Variants in ADARB2 observed in about 807,000 individuals in gnomAD.
ADARB2 encodes adenosine deaminase RNA specific B2 (inactive).
In ADARB2, 25 loss-of-function variants were observed where a neutral mutation model predicts 62.2. The ratio of observed to expected loss-of-function variants is 0.40; its 90% confidence interval spans 0.29 to 0.56. The LOEUF (loss-of-function observed/expected upper bound fraction) is 0.56. ADARB2 is among the 20% of genes least tolerant of loss of function. The probability of loss-of-function intolerance (pLI) is 0.43; values close to 1 mark genes in which losing one functional copy is unlikely to be tolerated. For missense variants in ADARB2, 1,071 were observed against 1,077.4 expected, an observed-to-expected ratio of 0.99 and a Z score of 0.08; for synonymous variants, 572 against 500.8, an observed-to-expected ratio of 1.14 and a Z score of -1.90.
intron 3 of ADARB2, among the ~76,000 whole-genome samples, chr10:1,279,530 G>C (rs1390403636): frequency 6.6e-6 from 1 of 152,126 alleles, no homozygotes; most frequent in Admixed American, 6.5e-5. Context: ...TGCTCAGGCT[G>C]GTCTCAAACT....
intron 4 of ADARB2, among the ~76,000 whole-genome samples, chr10:1,263,430 A>C (rs1831163383): frequency 2.6e-5 from 4 of 152,196 alleles, no homozygotes; most frequent in Admixed American, 2.6e-4. Flanking sequence ...GCTTCCAGTA[A>C]AAAAAGACTC....
chr10:1,211,627 CGAAA>C (rs1296723708), intron 7 of ADARB2, among the ~76,000 whole-genome samples: 5 of 152,128 alleles, frequency 3.3e-5, no homozygotes, highest in Non-Finnish European at 5.9e-5. Context: ...AGTCAGCTCT[CGAAA>C]GAAAGAAACA....
chr10:1,588,496 C>A (rs1320371480), intron 1 of ADARB2, among the ~76,000 whole-genome samples: 1 of 152,174 alleles, frequency 6.6e-6, no homozygotes, highest in Non-Finnish European at 1.5e-5. Context: ...CTAGGTAGGC[C>A]AGACGGTGCT....
At chr10:1,352,591 G>T (rs961480967) in intron 3 of ADARB2, among the ~76,000 whole-genome samples, 1 of 152,154 alleles carries the variant, frequency 6.6e-6, no homozygotes, top group Non-Finnish European at 1.5e-5. Flanking sequence ...TGCATGCAGC[G>T]GCTGCCACTG....
intron 1 of ADARB2, among the ~76,000 whole-genome samples, chr10:1,674,067 C>A (rs1260632907): frequency 6.6e-6 from 1 of 152,224 alleles, no homozygotes; most frequent in Non-Finnish European, 1.5e-5. Flanking sequence ...CTGCTGCAAT[C>A]CCCTGAAGTC....
chr10:1,685,980 C>G (rs1435824509), intron 1 of ADARB2, among the ~76,000 whole-genome samples: 1 of 152,252 alleles, frequency 6.6e-6, no homozygotes, highest in Non-Finnish European at 1.5e-5. Flanking sequence ...CACACCCACT[C>G]CAGTGGCTCA....
chr10:1,218,170 C>T (rs1458204081), intron 6 of ADARB2, among the ~76,000 whole-genome samples: 3 of 152,198 alleles, frequency 2.0e-5, no homozygotes, highest in Non-Finnish European at 4.4e-5. Context: ...CCTGCCTCAG[C>T]CTCCTGAGTA....
chr10:1,612,715 C>A (rs1833587302), intron 1 of ADARB2, among the ~76,000 whole-genome samples: 1 of 152,210 alleles, frequency 6.6e-6, no homozygotes, highest in African/African-American at 2.4e-5. Context: ...ATCCAGCCAG[C>A]AGCCTGCATA....
intron 1 of ADARB2, among the ~76,000 whole-genome samples, chr10:1,596,798 G>A (rs369122984): frequency 3.9e-5 from 6 of 152,232 alleles, no homozygotes; most frequent in East Asian, 3.8e-4. Flanking sequence ...CAATGTTGAC[G>A]AAGTGGCAAA....
At chr10:1,582,829 C>T (rs139673907) in intron 1 of ADARB2, among the ~76,000 whole-genome samples, 187 of 152,312 alleles carry the variant, frequency 1.2e-3, no homozygotes, top group African/African-American at 4.3e-3. Context: ...GCACCCTCCT[C>T]GTAGTGCCCT....
intron 1 of ADARB2, among the ~76,000 whole-genome samples, chr10:1,508,306 C>T (rs763783468): frequency 3.9e-5 from 6 of 152,190 alleles, no homozygotes; most frequent in Non-Finnish European, 8.8e-5. Context: ...AAGACACACG[C>T]TATGGTCAGA....
intron 6 of ADARB2, among the ~76,000 whole-genome samples, chr10:1,221,664 G>A (rs532830260): frequency 5.3e-4 from 80 of 151,600 alleles, no homozygotes; most frequent in Non-Finnish European, 9.9e-4. Context: ...GAGAACATGC[G>A]GTGTTTGGTT....
chr10:1,205,781 G>C (rs770202087), intron 7 of ADARB2, among the ~76,000 whole-genome samples: 1 of 152,260 alleles, frequency 6.6e-6, no homozygotes, highest in Admixed American at 6.5e-5. Context: ...CGTGTTCTGC[G>C]TGGTGGCCGG....
intron 1 of ADARB2, among the ~76,000 whole-genome samples, chr10:1,727,621 C>T (rs1835182531): frequency 6.6e-6 from 1 of 152,112 alleles, no homozygotes; most frequent in Non-Finnish European, 1.5e-5. Flanking sequence ...TTACAAAGAA[C>T]TTTCATTTGA....
chr10:1,554,978 T>C (rs776451918), intron 1 of ADARB2, among the ~76,000 whole-genome samples: 16 of 152,306 alleles, frequency 1.1e-4, no homozygotes, highest in Non-Finnish European at 1.9e-4. Flanking sequence ...CATGCACTAT[T>C]TGTTTTTCTG....
intron 1 of ADARB2, among the ~76,000 whole-genome samples, chr10:1,386,747 A>C (rs571896148): frequency 6.6e-6 from 1 of 152,072 alleles, no homozygotes; most frequent in African/African-American, 2.4e-5. Context: ...TGATAGAACA[A>C]GTAGTGAGAA....
intron 1 of ADARB2, among the ~76,000 whole-genome samples, chr10:1,665,016 G>A (rs1276850970): frequency 6.6e-6 from 1 of 152,178 alleles, no homozygotes; most frequent in Non-Finnish European, 1.5e-5. Context: ...GGTGAGTCAT[G>A]CCGACACCTT....
intron 1 of ADARB2, among the ~76,000 whole-genome samples, chr10:1,391,806 ACT>A (rs1428704083): frequency 9.1e-6 from 1 of 109,466 alleles, no homozygotes; most frequent in African/African-American, 3.7e-5. Context: ...ACACAGTTTC[ACT>A]CTGTCACCCA....
rs146211600 is a variant in ADARB2, at chr10:1,704,874, C to A, written c.100+32177G>T. Among the ~76,000 whole-genome samples, 3 of 152,230 alleles carry A rather than the reference C, an allele frequency of 2.0e-5. No homozygotes were observed. The East Asian group carries it at 5.8e-4, about 30-fold the overall frequency. ...GAGCCTCCACTCTCTCACTGAGGAG[C>A]CCAGCAGTTTATCATTTGAGCAGGA... On this transcript the variant is annotated intron_variant, in intron 1 of 9. Transcript: ENST00000381312. This position sits in a 1 kb window ranked among gnomAD's most constrained non-coding sequence, Gnocchi z 5.6.
Sources: allele counts gnomAD v4.1 joint callset (sites outside exome capture counted in the v4.1 genomes callset), GRCh38; gene constraint gnomAD v4.1.1; non-coding constraint Gnocchi (gnomAD v3.1); transcripts MANE v1.5; gene names NCBI Gene and HGNC (gene_info 2026-07-23, HGNC 2026-07-21).